The following PEG3 variants were observed in gnomAD, a reference collection of about 807,000 sequenced individuals.
PEG3 encodes paternally-expressed gene 3 protein.
Under a neutral mutation model 35.5 loss-of-function variants are expected in PEG3, and 23 were observed. The observed-to-expected ratio is 0.65, with a 90% CI of 0.47 to 0.92. The LOEUF (loss-of-function observed/expected upper bound fraction) is 0.92, where lower values mean the gene tolerates loss of function less well. Among genes scored for constraint, PEG3 ranks in the 40% least tolerant of loss-of-function variants. The pLI, the probability that PEG3 is intolerant of heterozygous loss-of-function variation, is 0.00. For synonymous variants in PEG3, 707 were observed against 697.0 expected, an observed-to-expected ratio of 1.01 and a Z score of -0.23; for missense variants, 1,960 against 1,985.3, an observed-to-expected ratio of 0.99 and a Z score of 0.24.
chr19:56,823,679 T>C lies in PEG3; in HGVS notation c.395A>G (p.Asp132Gly). Residue 132 changes from aspartate (D) to glycine (G), a missense_variant and splice_region_variant, in exon 5 of 10, where the codon GAC becomes GGC. Coordinates refer to ENST00000326441, the MANE Select transcript of PEG3 (RefSeq NM_006210.3). ...GCTGGTCACGTCACTGTTGTTGTCG[T>C]CTAAGAGGACACCGGTCGCCAAGTT... ...ENYKEMYQPEDDNNSDVTSDD... is the reference protein window; with the variant it reads ...ENYKEMYQPEGDNNSDVTSDD... 6.2e-7 allele frequency: 1 copy of C among 1,614,094 alleles called. No individual in the cohort carries two copies. The highest frequency in any genetic ancestry group is 8.5e-7 in the Non-Finnish European group (1 of 1,180,008).
In PEG3 at chr19:56,824,579, T is replaced by A; in HGVS notation, c.77A>T (p.Asp26Val). 1 of 1,614,118 alleles carries A rather than the reference T, an allele frequency of 6.2e-7. No individual in the cohort carries two copies. The highest frequency in any genetic ancestry group is 8.5e-7 in the Non-Finnish European group (1 of 1,180,000). ...WAPNLYELDS[D>V]LTKEPDVIIG... ...GATGACATCCGGCTCCTTAGTCAAG[T>A]CACTGTCTAGCTCATACAGATTTGG... Residue 26 changes from aspartate (D) to valine (V), a missense_variant, in exon 4 of 10, where the codon GAC becomes GTC. Asp to Val is a radical substitution (Grantham distance 152). Coordinates refer to ENST00000326441, the MANE Select transcript of PEG3 (RefSeq NM_006210.3).
chr19:56,829,506 C>T (rs775672460), intron 2 of PEG3, among the ~76,000 whole-genome samples: 29 of 152,190 alleles, frequency 1.9e-4, no homozygotes, highest in Middle Eastern at 3.2e-3. Flanking sequence ...GACAGGGAAA[C>T]GTGTTCTGTT....
intron 1 of PEG3, among the ~76,000 whole-genome samples, chr19:56,837,518 C>T (rs1295615894): frequency 6.6e-6 from 1 of 152,236 alleles, no homozygotes; most frequent in Non-Finnish European, 1.5e-5. Context: ...TGCTCACTGA[C>T]CCAAGGCTGC....
intron 4 of PEG3, 44 bp downstream of exon 4, chr19:56,824,218 C>A: frequency 6.3e-7 from 1 of 1,591,050 alleles, no homozygotes; most frequent in Non-Finnish European, 8.6e-7. Context: ...CCAGGGGACA[C>A]CTGAGGCCTG....
At position 56,812,517 on chromosome 19, in the gene PEG3, C is replaced by T. The variant is rs2146099557; in HGVS notation, c.*1158G>A. 1 of 985,570 alleles carries T rather than the reference C, an allele frequency of 1.0e-6. No homozygotes were observed. Among genetic ancestry groups the T allele is most frequent in the African/African-American group, 1.7e-5 (1 of 57,288 alleles). 61.1% of individuals were successfully genotyped at this position (985,570 alleles called of 1,614,324 possible). ...ATAGAAAGATCTAAGGATACTAGCT[C>T]CTGGGCACCTAGGGTGCAAACTGAC... is the stretch of plus-strand genomic sequence containing the variant. On this transcript the variant is annotated 3_prime_UTR_variant, in exon 10 of 10. Coordinates refer to ENST00000326441, the MANE Select transcript of PEG3 (RefSeq NM_006210.3).
intron 2 of PEG3, chr19:56,833,463 G>A (rs2061773651): frequency 6.5e-6 from 2 of 308,964 alleles, no homozygotes; most frequent in Admixed American, 9.2e-5. Flanking sequence ...CATGGAGTAA[G>A]ATGCTGTCCC....
intron 1 of PEG3, among the ~76,000 whole-genome samples, chr19:56,839,176 G>A (rs1430366694): frequency 2.0e-5 from 3 of 150,930 alleles, no homozygotes; most frequent in Non-Finnish European, 3.0e-5. Flanking sequence ...TAGGTCCAAT[G>A]CCACCCTGTC....
rs747031416 is a variant in PEG3 at position 56,813,968 on chromosome 19, C to G, written c.4474G>C (p.Glu1492Gln). Residue 1492 changes from glutamate (E) to glutamine (Q), a missense_variant, in exon 10 of 10, where the codon GAA (glutamate) becomes CAA (glutamine). Physicochemically the swap from Glu to Gln is conservative, Grantham distance 29. This residue lies in a region of PEG3 where 416 missense variants were observed against 416.7 expected (regional missense o/e 1.00). Transcript: ENST00000326441. ...PDGVGIEDPE[E>Q]GEDQEIQVEE... ...ACCTGAATCTCTTGATCTTCACCTT[C>G]TTCTGGGTCTTCAATTCCCACACCG... is the stretch of plus-strand genomic sequence containing the variant. The G allele has an allele frequency of 2.5e-6, 4 of 1,614,140 alleles. No homozygotes were observed. The highest frequency in any genetic ancestry group is 1.1e-5 in the South Asian group (1 of 91,084).
chr19:56,822,938 C>G, intron 5 of PEG3, 102 bp from the exon 6 acceptor site: 1 of 1,463,334 alleles, frequency 6.8e-7, no homozygotes, highest in East Asian at 2.5e-5. Context: ...CTACCCTCTT[C>G]CCACAAGGAG....
intron 1 of PEG3, among the ~76,000 whole-genome samples, chr19:56,836,969 C>CAAAAAAAAAAAAAAA (rs573566620): frequency 8.5e-6 from 1 of 116,986 alleles, no homozygotes. Flanking sequence ...GACTCTGTCT[C>CAAAAAAAAAAAAAAA]AAAAAAAAAA....
Position 56,816,994 on chromosome 19 carries a change from C to G in PEG3, c.1448G>C (p.Gly483Ala). Reference protein sequence around the residue: ...MHTRENLYEYGESFIHSVAVS... With the variant: ...MHTRENLYEYAESFIHSVAVS... Reference sequence around the variant, plus strand: ...AGCCACACTGTGGATAAAGGACTCACCATACTCATAGAGGTTCTCTCTAGT... The same window carrying G: ...AGCCACACTGTGGATAAAGGACTCAGCATACTCATAGAGGTTCTCTCTAGT... The change falls in exon 10 of 10, where the codon GGT becomes GCT. Residue 483 changes from glycine (G) to alanine (A), a missense_variant. Gly to Ala is a moderately conservative substitution (Grantham distance 60). Around this residue, in one of 5 missense-constraint regions of PEG3, gnomAD observed 798 missense variants for 782.4 expected, o/e 1.02. Transcript: ENST00000326441. The G allele has an allele frequency of 1.2e-6, 2 of 1,614,084 alleles. No homozygotes were observed. The highest frequency in any genetic ancestry group is 1.7e-6 in the Non-Finnish European group (2 of 1,179,906).
In PEG3 at chr19:56,814,853, C is replaced by T. The variant is rs2059825228; in HGVS notation, c.3589G>A (p.Asp1197Asn). The T allele has an allele frequency of 6.2e-7, 1 of 1,614,040 alleles. No homozygotes were observed. The highest frequency in any genetic ancestry group is 1.3e-5 in the African/African-American group (1 of 74,922). Residue 1197 changes from aspartate (D) to asparagine (N), a missense_variant, in exon 10 of 10, where the codon GAT (aspartate) becomes AAT (asparagine). Coordinates refer to ENST00000326441, the MANE Select transcript of PEG3 (RefSeq NM_006210.3). This position sits in a 1 kb window ranked among gnomAD's most constrained non-coding sequence, Gnocchi z 5.8. Reference sequence around the variant, plus strand: ...GGCAAGAGGGCAATAAAACCATCATCACACCCCTTCATGGAATACAACTGG... The same window carrying T: ...GGCAAGAGGGCAATAAAACCATCATTACACCCCTTCATGGAATACAACTGG... The part of the protein sequence containing the change: ...QDQLYSMKGC[D>N]DGFIALLPMK...
chr19:56,823,554 C>A, intron 5 of PEG3, 39 bp downstream of exon 5: 1 of 1,613,362 alleles, frequency 6.2e-7, no homozygotes, highest in East Asian at 2.2e-5. Flanking sequence ...TCTGGCAGCG[C>A]CTGCCCATGG....
Position 56,814,550 on chromosome 19 carries a change from C to A in PEG3, c.3892G>T (p.Ala1298Ser), listed in dbSNP as rs775133507. 6.2e-7 allele frequency: 1 copy of A among 1,613,576 alleles called. No individual in the cohort carries two copies. The highest frequency in any genetic ancestry group is 1.3e-5 in the African/African-American group (1 of 74,882). Reference sequence around the variant, plus strand: ...TTCTTATGAACAGTTACGTGATCTGCAAGTTCTGCTGGGTTGACGAAAGAT... The same window carrying A: ...TTCTTATGAACAGTTACGTGATCTGAAAGTTCTGCTGGGTTGACGAAAGAT... ...GESFVNPAELADHVTVHKNEP... is the reference protein window; with the variant it reads ...GESFVNPAELSDHVTVHKNEP... The change falls in exon 10 of 10, where the codon GCA (alanine) becomes TCA (serine). Residue 1298 changes from alanine to serine, a missense_variant. Coordinates refer to ENST00000326441, the MANE Select transcript of PEG3 (RefSeq NM_006210.3). The surrounding 1 kb of genome is among the most constrained non-coding windows in gnomAD (Gnocchi z 5.8).
rs779213513 is a variant in PEG3 at position 56,814,214 on chromosome 19, CA to C, written c.4227del (p.Glu1410SerfsTer91). ...GGCTCAGCAGCCTCCACTTCTGGCT[CA>C]GCAGCCTCCACTTCTGGCTCGGCAG... is the stretch of plus-strand genomic sequence containing the variant. ...VEAAEPEVEA[A>X]EPEVEAAEPN... On this transcript the variant is annotated frameshift_variant, in exon 10 of 10. Coordinates refer to ENST00000326441, the MANE Select transcript of PEG3 (RefSeq NM_006210.3). LOFTEE classifies it low-confidence loss of function (END_TRUNC). The surrounding 1 kb of genome is among the most constrained non-coding windows in gnomAD (Gnocchi z 5.8). 1.9e-6 allele frequency: 3 copies of C among 1,613,500 alleles called. No individual in the cohort carries two copies. The highest frequency in any genetic ancestry group is 4.5e-5 in the East Asian group (2 of 44,872).
chr19:56,813,690 A>T lies in PEG3; in HGVS notation c.4752T>A (p.Asn1584Lys). ...NDRLSLARHQ[N>K]THTG Reference sequence around the variant, plus strand: ...CCCCATGCCCTCAGCCAGTGTGGGTATTCTGGTGTCTGGCGAGGGACAGGC... The same window carrying T: ...CCCCATGCCCTCAGCCAGTGTGGGTTTTCTGGTGTCTGGCGAGGGACAGGC... Residue 1584 changes from asparagine to lysine, a missense_variant, in exon 10 of 10, where the codon AAT (asparagine) becomes AAA (lysine). Asn to Lys is a moderately conservative substitution (Grantham distance 94, BLOSUM62 0). Coordinates refer to ENST00000326441, the MANE Select transcript of PEG3 (RefSeq NM_006210.3). 1 of 1,613,218 alleles carries T rather than the reference A, an allele frequency of 6.2e-7. No individual in the cohort carries two copies. The highest frequency in any genetic ancestry group is 8.5e-7 in the Non-Finnish European group (1 of 1,179,290).
Position 56,814,535 on chromosome 19 carries a change from C to T in PEG3, c.3907G>A (p.Val1303Ile), listed in dbSNP as rs1183513410. ...TACTCATAGGGCTCATTCTTATGAA[C>T]AGTTACGTGATCTGCAAGTTCTGCT... ...NPAELADHVT[V>I]HKNEPYEYGS... The change falls in exon 10 of 10, where the codon GTT becomes ATT. Residue 1303 changes from valine to isoleucine, a missense_variant. This residue lies in a region of PEG3 where 416 missense variants were observed against 416.7 expected (regional missense o/e 1.00). Coordinates refer to ENST00000326441, the MANE Select transcript of PEG3 (RefSeq NM_006210.3). The surrounding 1 kb of genome is among the most constrained non-coding windows in gnomAD (Gnocchi z 5.8). 6.2e-7 allele frequency: 1 copy of T among 1,613,806 alleles called. No individual in the cohort carries two copies. Among genetic ancestry groups the T allele is most frequent in the Non-Finnish European group, 8.5e-7 (1 of 1,179,806 alleles).
In PEG3 at chr19:56,817,469, T is replaced by A; in HGVS notation, c.973A>T (p.Ser325Cys). ...TCCCTTGCTCTTCCCGATTTGGAAC[T>A]GCGTGACACATCCTTGATGAATTTT... ...MEKFIKDVSR[S>C]SKSGRARESS... Residue 325 changes from serine to cysteine, a missense_variant, in exon 10 of 10, where the codon AGT becomes TGT. Physicochemically the swap from Ser to Cys is moderately radical, Grantham distance 112 (BLOSUM62 -1). Around this residue, in one of 5 missense-constraint regions of PEG3, gnomAD observed 613 missense variants for 577.1 expected, o/e 1.06. Transcript: ENST00000326441. The A allele has an allele frequency of 1.9e-6, 3 of 1,613,098 alleles. No individual in the cohort carries two copies. The highest frequency in any genetic ancestry group is 2.5e-6 in the Non-Finnish European group (3 of 1,179,228).
intron 5 of PEG3, among the ~76,000 whole-genome samples, chr19:56,823,310 GAGGCTGGGGGTAC>G (rs2060682143): frequency 6.6e-6 from 1 of 152,240 alleles, no homozygotes; most frequent in South Asian, 2.1e-4. Context: ...CCTTCCTGAG[GAGGCTGGGGGTAC>G]AGCTGGAAGC....
Sources: allele counts gnomAD v4.1 joint callset (sites outside exome capture counted in the v4.1 genomes callset), GRCh38; gene constraint gnomAD v4.1.1; regional missense constraint gnomAD v4.1.1; non-coding constraint Gnocchi (gnomAD v3.1); transcripts MANE v1.5; gene names NCBI Gene and HGNC (gene_info 2026-07-23, HGNC 2026-07-21).